Variants in RASEF observed in about 807,000 individuals in gnomAD.
The protein encoded by RASEF is RAS and EF-hand domain containing, also known as ras and EF-hand domain-containing protein.
A neutral mutation model predicts 90.1 loss-of-function variants in RASEF; 68 were observed. The ratio of observed to expected loss-of-function variants is 0.75; its 90% CI spans 0.62 to 0.92. The LOEUF (loss-of-function observed/expected upper bound fraction) is 0.92, where lower values mean the gene tolerates loss of function less well. RASEF is among the 40% of genes least tolerant of loss of function. The pLI, the probability that RASEF is intolerant of heterozygous loss-of-function variation, is 0.00. For missense variants in RASEF, 949 were observed against 937.2 expected, an observed-to-expected ratio of 1.01 and a Z score of -0.16; for synonymous variants, 331 against 345.2, an observed-to-expected ratio of 0.96 and a Z score of 0.46.
At chr9:82,988,606 T>C (rs1313819575) in intron 16 of RASEF, among the ~76,000 whole-genome samples, 1 of 152,220 alleles carries the variant, frequency 6.6e-6, no homozygotes, top group East Asian at 1.9e-4. Flanking sequence ...CTCCATCCCT[T>C]GGTGATGAGT....
intron 1 of RASEF, among the ~76,000 whole-genome samples, chr9:83,034,175 C>T (rs1441066904): frequency 1.3e-5 from 2 of 152,196 alleles, no homozygotes; most frequent in Non-Finnish European, 1.5e-5. Context: ...GAGTTGCTTA[C>T]GACTGGCTGT....
chr9:83,102,807 C>T, the RASEF span, among the ~76,000 whole-genome samples: 5 of 152,034 alleles, frequency 3.3e-5, no homozygotes, highest in South Asian at 2.1e-4. Context: ...TGAGGACAGA[C>T]GGGTAGTAGC....
In RASEF at chr9:83,015,998, G is replaced by A. The variant is rs141974391; in HGVS notation, c.670-98C>T. On this transcript the variant is annotated intron_variant, in intron 3 of 16. Coordinates refer to ENST00000376447, the MANE Select transcript of RASEF (RefSeq NM_152573.4). ...AAACATTTTGTGTCAAATTAAGGCT[G>A]ACTTCAGTTCTCCTACACAGGGAAG... 4.2e-4 allele frequency: 360 copies of A among 855,604 alleles called. No homozygotes were observed. In the Middle Eastern group the frequency reaches 4.7e-3, roughly 11 times the overall value. 53.0% of individuals were successfully genotyped at this position (855,604 alleles called of 1,614,324 possible). A position where few individuals can be genotyped will look rare whatever the true frequency, so the allele number is the denominator to read the frequency against.
rs1310943840 is a variant in RASEF at position 82,982,754 on chromosome 9, C to T, written c.2146G>A (p.Asp716Asn). The change falls in exon 17 of 17, where the codon GAC (aspartate) becomes AAC (asparagine). Residue 716 changes from aspartate (D) to asparagine (N), a missense_variant. Physicochemically the swap from Asp to Asn is conservative, Grantham distance 23 (BLOSUM62 1). This residue lies in a region of RASEF where 288 missense variants were observed against 328.4 expected (regional missense o/e 0.88). Transcript: ENST00000376447. ...REVKKRTDKD[D>N]SRSITNLTGT... ...GTTAGATTGGTAATGGATCTGCTGT[C>T]ATCCTTGTCAGTTCTCTTTTTCACT... 6.2e-7 allele frequency: 1 copy of T among 1,605,518 alleles called. No individual in the cohort carries two copies. Among genetic ancestry groups the T allele is most frequent in the Non-Finnish European group, 8.5e-7 (1 of 1,172,384 alleles).
chr9:83,008,891 C>CTT (rs57817845), intron 6 of RASEF, among the ~76,000 whole-genome samples: 1 of 19,564 alleles, frequency 5.1e-5, no homozygotes, highest in African/African-American at 1.6e-4. Context: ...AAGTTCTCAT[C>CTT]ATATATATAT....
At chr9:83,141,990 T>G in the RASEF span, among the ~76,000 whole-genome samples, 1 of 152,192 alleles carries the variant, frequency 6.6e-6, no homozygotes, top group African/African-American at 2.4e-5. Context: ...CAACTGTTTT[T>G]ATAAAACTAT....
the RASEF span, among the ~76,000 whole-genome samples, chr9:83,082,447 C>T: frequency 6.6e-6 from 1 of 152,194 alleles, no homozygotes; most frequent in East Asian, 1.9e-4. Context: ...ACAAATCTAA[C>T]TGGTTTTATC....
At chr9:83,201,757 T>C in the RASEF span, among the ~76,000 whole-genome samples, 2 of 152,176 alleles carry the variant, frequency 1.3e-5, no homozygotes, top group Non-Finnish European at 2.9e-5. Flanking sequence ...CAGGATTTCA[T>C]GCTTGGTTTG....
At chr9:82,983,859 G>A (rs1299306684) in intron 16 of RASEF, among the ~76,000 whole-genome samples, 1 of 152,228 alleles carries the variant, frequency 6.6e-6, no homozygotes, top group Non-Finnish European at 1.5e-5. Flanking sequence ...GAAGCCACGA[G>A]AAGCACCCTG....
At chr9:83,019,660 C>A (rs10121376) in intron 3 of RASEF, among the ~76,000 whole-genome samples, 93,728 of 152,108 alleles carry the variant, frequency 0.62, 29,889 homozygotes, top group African/African-American at 0.79. Context: ...CAATAGCCAA[C>A]AACTGGAAAT....
the RASEF span, among the ~76,000 whole-genome samples, chr9:83,191,746 C>G: frequency 6.6e-6 from 1 of 152,138 alleles, no homozygotes; most frequent in African/African-American, 2.4e-5. Context: ...TTCCTCTCAC[C>G]TCCCTCACCC....
chr9:83,149,718 G>A, the RASEF span, among the ~76,000 whole-genome samples: 3 of 152,118 alleles, frequency 2.0e-5, no homozygotes, highest in African/African-American at 4.8e-5. Flanking sequence ...CATGGTACTC[G>A]ACAACCACGT....
chr9:83,160,378 C>T, the RASEF span, among the ~76,000 whole-genome samples: 1 of 152,114 alleles, frequency 6.6e-6, no homozygotes, highest in Non-Finnish European at 1.5e-5. Context: ...GAAAAGGTGA[C>T]TCTAGTTATG....
chr9:83,048,508 C>T (rs1212475891), intron 1 of RASEF: 3 of 984,862 alleles, frequency 3.0e-6, no homozygotes, highest in Non-Finnish European at 3.6e-6. Flanking sequence ...GTGCCTCGTG[C>T]AGTCCTGGGC....
At chr9:83,165,736 A>G in the RASEF span, among the ~76,000 whole-genome samples, 3 of 152,164 alleles carry the variant, frequency 2.0e-5, no homozygotes, top group Non-Finnish European at 4.4e-5. Flanking sequence ...AAACTTCAGT[A>G]CAATAGATAA....
the RASEF span, among the ~76,000 whole-genome samples, chr9:83,079,273 T>A: frequency 3.3e-5 from 5 of 152,190 alleles, no homozygotes; most frequent in East Asian, 9.6e-4. Context: ...TGCATATGAC[T>A]AGCCAGTTAG....
the RASEF span, among the ~76,000 whole-genome samples, chr9:83,123,486 T>C: frequency 3.3e-5 from 5 of 152,172 alleles, no homozygotes; most frequent in African/African-American, 9.6e-5. Context: ...TATAGCACCC[T>C]TCCCTGGTTA....
At chr9:83,182,951 G>A in the RASEF span, among the ~76,000 whole-genome samples, 1 of 152,196 alleles carries the variant, frequency 6.6e-6, no homozygotes, top group East Asian at 1.9e-4. Flanking sequence ...CCAAGCGAAA[G>A]AAGACAGACA....
chr9:83,070,760 G>A, the RASEF span, among the ~76,000 whole-genome samples: 8 of 152,222 alleles, frequency 5.3e-5, no homozygotes, highest in South Asian at 1.2e-3. Flanking sequence ...GCCCATCAAT[G>A]AGATTATATC....
Sources: gnomAD v4.1 joint callset for allele counts (sites outside exome capture counted in the v4.1 genomes callset) on GRCh38, gnomAD v4.1.1 for gene constraint, gnomAD v4.1.1 regional missense constraint, MANE v1.5 for transcripts, NCBI Gene and HGNC (gene_info 2026-07-23, HGNC 2026-07-21) for gene names.